The following CNBD1 variants were observed in gnomAD, a reference collection of about 807,000 sequenced individuals.
CNBD1 encodes the protein cyclic nucleotide-binding domain-containing protein 1.
In CNBD1, 71 loss-of-function variants were observed where a neutral mutation model predicts 54.4. That is an observed-to-expected ratio of 1.30 (90% CI 1.08 to 1.59). CNBD1 has a LOEUF of 1.59. CNBD1 is among the 40% of genes most tolerant of loss of function. CNBD1 has a pLI of 0.00. For missense variants in CNBD1, 659 were observed against 518.0 expected (o/e 1.27, Z -2.64); for synonymous variants, 182 against 170.7 (o/e 1.07, Z -0.51).
chr8:87,355,828 A>C (rs1387049852), intron 10 of CNBD1, among the ~76,000 whole-genome samples: 5 of 152,058 alleles, frequency 3.3e-5, no homozygotes, highest in Non-Finnish European at 7.4e-5. Context: ...TTTCATGTTG[A>C]AACGTCATCC....
rs146793310 is a variant in CNBD1 at position 87,368,702 on chromosome 8, A to G, written c.1304-13918A>G. Among the ~76,000 whole-genome samples the G allele has an allele frequency of 2.2e-3, 333 of 152,134 alleles. 2 individuals are homozygous for G. Among genetic ancestry groups the G allele is most frequent in the Non-Finnish European group, 3.0e-3 (207 of 67,958 alleles). On this transcript the variant is annotated intron_variant, in intron 10 of 10. Transcript: ENST00000518476. The stretch of plus-strand genomic sequence containing the variant: ...AAAGAGAAAGATAGCACCTGCTTCT[A>G]TTAGCCAAAAGAGGGGTATTTGGTA...
intron 7 of CNBD1, among the ~76,000 whole-genome samples, chr8:87,285,389 T>G (rs1398640730): frequency 6.7e-6 from 1 of 149,458 alleles, no homozygotes; most frequent in Non-Finnish European, 1.5e-5. Flanking sequence ...CAAATCCAAA[T>G]TTTTTCTTGA....
intron 3 of CNBD1, among the ~76,000 whole-genome samples, chr8:86,911,786 G>A (rs76486296): frequency 0.021 from 3,184 of 152,036 alleles, 108 homozygotes; most frequent in African/African-American, 0.073. Flanking sequence ...CAAGAGCAAC[G>A]TAAAAAATCA....
intron 8 of CNBD1, among the ~76,000 whole-genome samples, chr8:87,350,095 G>C (rs1810253699): frequency 6.6e-6 from 1 of 152,122 alleles, no homozygotes; most frequent in Admixed American, 6.5e-5. Flanking sequence ...TATCCTTGCT[G>C]ATTGACTAAA....
At chr8:87,396,849 G>GTGACTTCT (rs1392308918) in intron 2 of CNBD1, among the ~76,000 whole-genome samples, 1 of 142,056 alleles carries the variant, frequency 7.0e-6, no homozygotes, top group African/African-American at 2.6e-5. Context: ...TTCCCTCTTT[G>GTGACTTCT]TGACTTCTTG....
At chr8:87,082,762 A>G (rs1811022447) in intron 4 of CNBD1, among the ~76,000 whole-genome samples, 1 of 152,048 alleles carries the variant, frequency 6.6e-6, no homozygotes, top group Non-Finnish European at 1.5e-5. Flanking sequence ...ATTTAAATCT[A>G]CCATCTCTTT....
intron 10 of CNBD1, among the ~76,000 whole-genome samples, chr8:87,370,525 C>A (rs1400791047): frequency 6.6e-6 from 1 of 152,104 alleles, no homozygotes; most frequent in Non-Finnish European, 1.5e-5. Context: ...TAAATGTTTT[C>A]TTTTGAGAAG....
intron 2 of CNBD1, among the ~76,000 whole-genome samples, chr8:87,424,023 G>C (rs921304987): frequency 1.3e-5 from 2 of 152,176 alleles, no homozygotes; most frequent in African/African-American, 4.8e-5. Context: ...ATGTGTCAAG[G>C]AATTTATCCA....
At chr8:86,970,756 C>T (rs770297182) in intron 4 of CNBD1, among the ~76,000 whole-genome samples, 2 of 152,182 alleles carry the variant, frequency 1.3e-5, no homozygotes, top group Non-Finnish European at 2.9e-5. Context: ...TGACCTCCAG[C>T]TGCATCCATG....
At chr8:86,885,555 A>C (rs187493470) in intron 1 of CNBD1, among the ~76,000 whole-genome samples, 77 of 152,322 alleles carry the variant, frequency 5.1e-4, no homozygotes, top group African/African-American at 1.8e-3. Flanking sequence ...GAACCTCTTT[A>C]AACTTTATCC....
rs544934921 is a variant in CNBD1, at chr8:86,871,517, T to G, written c.88+4934T>G. 5.9e-5 allele frequency among the ~76,000 whole-genome samples: 9 copies of G among 152,354 alleles called. No individual in the cohort carries two copies. The South Asian group carries it at 1.9e-3, about 32-fold the overall frequency. ...TTAAAACTTACATTACAATCTATTT[T>G]CCACAATCTGGCATTTAAATCTTTC... On this transcript the variant is annotated intron_variant, in intron 1 of 10. Transcript: ENST00000518476.
At chr8:87,226,816 A>T (rs1413852616) in intron 5 of CNBD1, among the ~76,000 whole-genome samples, 3 of 151,260 alleles carry the variant, frequency 2.0e-5, no homozygotes, top group African/African-American at 4.9e-5. Flanking sequence ...TGTCTCGTTG[A>T]TCTGTCTAAT....
intron 5 of CNBD1, among the ~76,000 whole-genome samples, chr8:87,212,755 A>G (rs1055927665): frequency 1.3e-5 from 2 of 152,194 alleles, no homozygotes; most frequent in African/African-American, 4.8e-5. Flanking sequence ...TAAAACTTTT[A>G]GAAGAAAAAC....
At chr8:86,932,033 G>A (rs1809466229) in intron 3 of CNBD1, among the ~76,000 whole-genome samples, 1 of 152,158 alleles carries the variant, frequency 6.6e-6, no homozygotes, top group African/African-American at 2.4e-5. Context: ...ACAGCTTGCT[G>A]ACCAGTAGGG....
rs1811353011 is a variant in CNBD1 at position 87,393,566 on chromosome 8, T to C, written c.214-34980T>C. Among the ~76,000 whole-genome samples, 7 of 152,014 alleles carry C rather than the reference T, an allele frequency of 4.6e-5. No individual in the cohort carries two copies. The South Asian group carries it at 1.2e-3, about 27-fold the overall frequency. ...ATGGTTTCTTCCCCCAAAGACATTA[T>C]GGTTTGGACACAATAATAGTCTGGC... On this transcript the variant is annotated intron_variant, in intron 2 of 7. Transcript: ENST00000521593.
intron 4 of CNBD1, among the ~76,000 whole-genome samples, chr8:87,143,042 G>A (rs1183705387): frequency 1.3e-5 from 2 of 152,098 alleles, no homozygotes; most frequent in Non-Finnish European, 1.5e-5. Flanking sequence ...TCACTTACAA[G>A]TCAAACCGTT....
chr8:87,355,159 A>C (rs1810396662), intron 10 of CNBD1, among the ~76,000 whole-genome samples: 1 of 152,264 alleles, frequency 6.6e-6, no homozygotes, highest in African/African-American at 2.4e-5. Context: ...GTACAAAGAC[A>C]ACATAGCTAT....
chr8:87,093,066 A>G (rs984729492), intron 4 of CNBD1, among the ~76,000 whole-genome samples: 1 of 152,152 alleles, frequency 6.6e-6, no homozygotes, highest in Non-Finnish European at 1.5e-5. Context: ...ATGAATAAAC[A>G]CAATCTTTTC....
At chr8:87,143,544 C>A (rs2130740916) in intron 4 of CNBD1, among the ~76,000 whole-genome samples, 1 of 152,186 alleles carries the variant, frequency 6.6e-6, no homozygotes, top group South Asian at 2.1e-4. Context: ...TAAAGTAATC[C>A]TGAAAATGTC....
Sources: allele counts gnomAD v4.1 joint callset (sites outside exome capture counted in the v4.1 genomes callset), GRCh38; gene constraint gnomAD v4.1.1; transcripts MANE v1.5; gene names NCBI Gene and HGNC (gene_info 2026-07-23, HGNC 2026-07-21).